ZMIZ1: variants seen among roughly 807,000 people sequenced by gnomAD.
The protein encoded by ZMIZ1 is zinc finger MIZ domain-containing protein 1.
In ZMIZ1, 17 loss-of-function variants were observed where a neutral mutation model predicts 113.9. That is an observed-to-expected ratio of 0.15 (90% CI 0.10 to 0.22). The LOEUF (loss-of-function observed/expected upper bound fraction) is 0.22. ZMIZ1 is among the 10% of genes least tolerant of loss of function. The pLI is 1.00. For missense variants in ZMIZ1, 1,059 were observed against 1,477.8 expected (o/e 0.72, Z 4.65); for synonymous variants, 607 against 603.1 (o/e 1.01, Z -0.09).
At chr10:79,267,453 C>T (rs1274638841) in intron 7 of ZMIZ1, among the ~76,000 whole-genome samples, 2 of 152,250 alleles carry the variant, frequency 1.3e-5, no homozygotes, top group Non-Finnish European at 2.9e-5. Flanking sequence ...CCATGTAATG[C>T]TTTCTACATG....
chr10:79,103,201 A>C (rs1467449533), intron 1 of ZMIZ1, among the ~76,000 whole-genome samples: 3 of 151,952 alleles, frequency 2.0e-5, no homozygotes, highest in African/African-American at 4.8e-5. Flanking sequence ...AGGGGTAGGA[A>C]TATGCTTGGT....
At chr10:79,132,497 G>A (rs1844814739) in intron 2 of ZMIZ1, among the ~76,000 whole-genome samples, 1 of 152,240 alleles carries the variant, frequency 6.6e-6, no homozygotes, top group Non-Finnish European at 1.5e-5. Context: ...ATTCTGGAGA[G>A]TGCCTGCCCC....
chr10:79,188,623 C>T lies in ZMIZ1; in HGVS notation c.-49-12961C>T, dbSNP rs141969618. ...AGCTAGGAATCTTCCTCCTGTCCCC[C>T]ACCCCCCTAGTATCCCCTCCCCCAG... On this transcript the variant is annotated intron_variant, in intron 4 of 24. Transcript: ENST00000334512. 2.6e-3 allele frequency among the ~76,000 whole-genome samples: 392 copies of T among 151,072 alleles called. 4 individuals carry two copies. The highest frequency in any genetic ancestry group is 9.2e-3 in the African/African-American group (377 of 41,074).
intron 7 of ZMIZ1, among the ~76,000 whole-genome samples, chr10:79,248,060 G>C: frequency 6.6e-6 from 1 of 152,220 alleles, no homozygotes; most frequent in East Asian, 1.9e-4. Flanking sequence ...TGAGAAAGAA[G>C]CTTGGGCCAT....
At chr10:79,131,086 A>G (rs1844745412) in intron 2 of ZMIZ1, among the ~76,000 whole-genome samples, 1 of 152,194 alleles carries the variant, frequency 6.6e-6, no homozygotes, top group African/African-American at 2.4e-5. Context: ...CCTTCAGGCT[A>G]TGGCCAGGAG....
intron 3 of ZMIZ1, among the ~76,000 whole-genome samples, chr10:79,146,945 CGTGTGTGTGT>C (rs66763458): frequency 7.3e-6 from 1 of 137,718 alleles, no homozygotes; most frequent in African/African-American, 2.6e-5. Flanking sequence ...GTGTAGTGTA[CGTGTGTGTGT>C]GTGTGTGTGT....
intron 23 of ZMIZ1, among the ~76,000 whole-genome samples, chr10:79,309,584 T>A (rs1457981242): frequency 2.0e-5 from 3 of 152,026 alleles, no homozygotes; most frequent in Non-Finnish European, 4.4e-5. Context: ...CCGCATGGGG[T>A]TGGGGCCCTA....
chr10:79,188,180 C>T (rs1847428327), intron 4 of ZMIZ1, among the ~76,000 whole-genome samples: 1 of 152,200 alleles, frequency 6.6e-6, no homozygotes, highest in Non-Finnish European at 1.5e-5. Context: ...AGTGTGACTG[C>T]AGGAGGGCCA....
At chr10:79,076,362 G>C (rs1007325306) in intron 1 of ZMIZ1, among the ~76,000 whole-genome samples, 2 of 152,178 alleles carry the variant, frequency 1.3e-5, no homozygotes, top group African/African-American at 4.8e-5. Flanking sequence ...GCTGAACCTT[G>C]GGGGTGGGGT....
At chr10:79,194,701 G>A (rs967537813) in intron 4 of ZMIZ1, among the ~76,000 whole-genome samples, 8 of 152,256 alleles carry the variant, frequency 5.3e-5, no homozygotes, top group South Asian at 2.1e-4. Flanking sequence ...CCCCACCTCC[G>A]CTTCCCACCC....
chr10:79,221,097 C>T (rs940734199), intron 7 of ZMIZ1, among the ~76,000 whole-genome samples: 1 of 152,130 alleles, frequency 6.6e-6, no homozygotes, highest in African/African-American at 2.4e-5. Flanking sequence ...CTGTGTGTGT[C>T]GCCCTGGCGC....
chr10:79,195,518 A>G (rs971598058), intron 4 of ZMIZ1, among the ~76,000 whole-genome samples: 19 of 151,584 alleles, frequency 1.3e-4, no homozygotes, highest in Non-Finnish European at 2.6e-4. Context: ...AGCTGCAGCC[A>G]CGGAGGATTT....
intron 7 of ZMIZ1, among the ~76,000 whole-genome samples, chr10:79,249,985 A>T (rs1488239479): frequency 1.3e-5 from 2 of 152,164 alleles, no homozygotes; most frequent in African/African-American, 4.8e-5. Flanking sequence ...CTGTTTCCTG[A>T]TCAGTGCAGT....
chr10:79,212,383 A>C (rs1201861104), intron 6 of ZMIZ1, among the ~76,000 whole-genome samples: 1 of 151,694 alleles, frequency 6.6e-6, no homozygotes, highest in Non-Finnish European at 1.5e-5. Context: ...GTTGCCCAGG[A>C]TGGTCTCAAA....
chr10:79,226,238 G>A (rs1442770732), intron 7 of ZMIZ1, among the ~76,000 whole-genome samples: 1 of 152,152 alleles, frequency 6.6e-6, no homozygotes, highest in Non-Finnish European at 1.5e-5. Context: ...GTGGGGAGGT[G>A]GTCTCGGCAA....
intron 23 of ZMIZ1, among the ~76,000 whole-genome samples, chr10:79,308,027 T>A (rs1393937060): frequency 6.6e-6 from 1 of 152,204 alleles, no homozygotes; most frequent in African/African-American, 2.4e-5. Flanking sequence ...CTAGGAAGTC[T>A]GATTATCTGA....
chr10:79,296,676 C>T lies in ZMIZ1; in HGVS notation c.1413+23C>T. On this transcript the variant is annotated intron_variant, in intron 13 of 24. Coordinates refer to ENST00000334512, the MANE Select transcript of ZMIZ1 (RefSeq NM_020338.4). This position sits in a 1 kb window ranked among gnomAD's most constrained non-coding sequence, Gnocchi z 4.1. ...AAGGTGAGTCCCAGCCTCGCCACCACCCACGGGGCCCCTTCCCTCCTAACC... is the reference window on the plus strand; with the variant it reads ...AAGGTGAGTCCCAGCCTCGCCACCATCCACGGGGCCCCTTCCCTCCTAACC... 6.6e-7 allele frequency: 1 copy of T among 1,523,514 alleles called. No homozygotes were observed. The highest frequency in any genetic ancestry group is 8.8e-7 in the Non-Finnish European group (1 of 1,134,492). 94.4% of individuals were successfully genotyped at this position (1,523,514 alleles called of 1,614,324 possible). A position where few individuals can be genotyped will look rare whatever the true frequency, so the allele number is the denominator to read the frequency against.
intron 1 of ZMIZ1, among the ~76,000 whole-genome samples, chr10:79,072,227 G>A (rs1842312270): frequency 6.6e-6 from 1 of 152,170 alleles, no homozygotes; most frequent in Non-Finnish European, 1.5e-5. Flanking sequence ...AAGGTCCAGA[G>A]ACTGCGGGGT....
At chr10:79,208,597 C>G in intron 6 of ZMIZ1, 148 bp downstream of exon 6, 2 of 694,392 alleles carry the variant, frequency 2.9e-6, no homozygotes, top group South Asian at 3.7e-5. Context: ...GGGGGATGGC[C>G]CTATTTGGTG....
Sources: allele counts gnomAD v4.1 joint callset (sites outside exome capture counted in the v4.1 genomes callset), GRCh38; gene constraint gnomAD v4.1.1; non-coding constraint Gnocchi (gnomAD v3.1); transcripts MANE v1.5; gene names NCBI Gene and HGNC (gene_info 2026-07-23, HGNC 2026-07-21).